The following PPFIA2 variants were observed in gnomAD, a reference collection of about 807,000 sequenced individuals.
The protein encoded by PPFIA2 is liprin-alpha-2.
A neutral mutation model predicts 175.5 loss-of-function variants in PPFIA2; 46 were observed. That is an observed-to-expected ratio of 0.26 (90% CI 0.21 to 0.34). The LOEUF (loss-of-function observed/expected upper bound fraction) is 0.34, where lower values mean the gene tolerates loss of function less well. Ranked by LOEUF, PPFIA2 falls within the 10% of genes least tolerant of loss-of-function variation. PPFIA2 has a pLI of 1.00. For synonymous variants in PPFIA2, 568 were observed against 511.4 expected, an observed-to-expected ratio of 1.11 and a Z score of -1.49; for missense variants, 1,179 against 1,506.1, an observed-to-expected ratio of 0.78 and a Z score of 3.60.
At chr12:81,705,456 C>CAAAAAAAAAA (rs58602688) in intron 3 of PPFIA2, among the ~76,000 whole-genome samples, 2 of 55,610 alleles carry the variant, frequency 3.6e-5, no homozygotes, top group Non-Finnish European at 8.5e-5. Context: ...GACTAGGTCT[C>CAAAAAAAAAA]AAAAAAAAAA....
intron 3 of PPFIA2, among the ~76,000 whole-genome samples, chr12:81,700,312 AT>A (rs1486955410): frequency 6.6e-6 from 1 of 152,082 alleles, no homozygotes. Context: ...AAATGAAAAT[AT>A]TTTTAAATTA....
chr12:81,436,747 T>C (rs1262119930), intron 7 of PPFIA2, among the ~76,000 whole-genome samples: 2 of 152,194 alleles, frequency 1.3e-5, no homozygotes, highest in Non-Finnish European at 2.9e-5. Context: ...TCTTTTCTAA[T>C]TACTCTCTTA....
intron 4 of PPFIA2, among the ~76,000 whole-genome samples, chr12:81,533,677 G>T (rs1410118590): frequency 1.3e-5 from 2 of 150,478 alleles, no homozygotes. Flanking sequence ...GATTGTAACG[G>T]TTTCTAAATT....
At chr12:81,309,272 G>A (rs2050119936) in intron 22 of PPFIA2, among the ~76,000 whole-genome samples, 1 of 152,086 alleles carries the variant, frequency 6.6e-6, no homozygotes. Flanking sequence ...ACATATTTGA[G>A]AAGCTAGTTG....
intron 8 of PPFIA2, among the ~76,000 whole-genome samples, chr12:81,400,809 C>T (rs1368461943): frequency 6.6e-6 from 1 of 152,078 alleles, no homozygotes; most frequent in African/African-American, 2.4e-5. Flanking sequence ...GAGAAGAGGC[C>T]AGCCAGCTTG....
intron 4 of PPFIA2, among the ~76,000 whole-genome samples, chr12:81,534,159 T>C (rs1431549037): frequency 2.0e-5 from 3 of 151,556 alleles, no homozygotes; most frequent in Non-Finnish European, 4.4e-5. Flanking sequence ...TACCAGAGGC[T>C]GGGAAGGGTG....
intron 3 of PPFIA2, among the ~76,000 whole-genome samples, chr12:81,711,454 G>T (rs998121873): frequency 3.3e-5 from 5 of 151,036 alleles, no homozygotes; most frequent in Non-Finnish European, 4.4e-5. Context: ...ACTAATTATA[G>T]AATACTATCT....
rs1251659773 is a variant in PPFIA2 at position 81,368,901 on chromosome 12, T to C, written c.1351-45A>G. The C allele has an allele frequency of 4.4e-6, 7 of 1,573,862 alleles. No homozygotes were observed. In the Admixed American group the frequency reaches 9.3e-5, roughly 21 times the overall value. Reference sequence around the variant, plus strand: ...CATAAAAATCCATTCAAAAACTGTTTGAGATTATTTTTATAGTGTTGCTAG... The same window carrying C: ...CATAAAAATCCATTCAAAAACTGTTCGAGATTATTTTTATAGTGTTGCTAG... On this transcript the variant is annotated intron_variant, in intron 12 of 32. Transcript: ENST00000549396.
rs1026221947 is a variant in PPFIA2, at chr12:81,754,069, C to T, written c.153G>A (p.Glu51=). The part of the protein sequence containing the change: ...ERDRLLDTLR[E]TQESLSLAQQ... Reference sequence around the variant, plus strand: ...GGGCAAGTGAGAGGCTTTCCTGGGTCTCCCGAAGGGTGTCTAGAAGACGAT... The same window carrying T: ...GGGCAAGTGAGAGGCTTTCCTGGGTTTCCCGAAGGGTGTCTAGAAGACGAT... Residue 51 remains glutamate, a synonymous_variant, in exon 3 of 33, where the codon GAG becomes GAA. Coordinates refer to ENST00000549396, the MANE Select transcript of PPFIA2 (RefSeq NM_003625.5). 1 of 1,613,732 alleles carries T rather than the reference C, an allele frequency of 6.2e-7. No individual in the cohort carries two copies. The highest frequency in any genetic ancestry group is 8.5e-7 in the Non-Finnish European group (1 of 1,179,868).
At chr12:81,322,485 T>C (rs2053878192) in intron 22 of PPFIA2, among the ~76,000 whole-genome samples, 1 of 152,096 alleles carries the variant, frequency 6.6e-6, no homozygotes, top group South Asian at 2.1e-4. Context: ...ACCCCTTAAA[T>C]GTCAGGAGCC....
chr12:81,493,142 C>T (rs557540634), intron 4 of PPFIA2, among the ~76,000 whole-genome samples: 22 of 152,014 alleles, frequency 1.4e-4, no homozygotes, highest in Middle Eastern at 3.4e-3. Context: ...GTTTTTGATG[C>T]GTTAAATTGA....
intron 4 of PPFIA2, among the ~76,000 whole-genome samples, chr12:81,638,514 A>G (rs561487386): frequency 1.3e-5 from 2 of 152,070 alleles, no homozygotes; most frequent in African/African-American, 2.4e-5. Flanking sequence ...AAAAGTAAAG[A>G]GTTGAGGATG....
At chr12:81,567,337 C>A (rs189007911) in intron 4 of PPFIA2, among the ~76,000 whole-genome samples, 6 of 152,218 alleles carry the variant, frequency 3.9e-5, no homozygotes. Context: ...GCGTGATCCA[C>A]TGCGCCCGGC....
chr12:81,387,323 C>T (rs1045312378), intron 8 of PPFIA2, among the ~76,000 whole-genome samples: 2 of 151,932 alleles, frequency 1.3e-5, no homozygotes, highest in East Asian at 3.9e-4. Flanking sequence ...CCCCTTAAGC[C>T]CTGTGATTTT....
intron 8 of PPFIA2, among the ~76,000 whole-genome samples, chr12:81,396,762 G>A (rs2041209540): frequency 6.6e-6 from 1 of 152,076 alleles, no homozygotes; most frequent in African/African-American, 2.4e-5. Flanking sequence ...ATAGACTGGA[G>A]ATGGCCCATG....
intron 28 of PPFIA2, among the ~76,000 whole-genome samples, chr12:81,273,025 G>A (rs759446494): frequency 1.3e-5 from 2 of 151,932 alleles, no homozygotes; most frequent in South Asian, 2.1e-4. Context: ...CTAGTCCTAC[G>A]GTGTGTTTTA....
At chr12:81,322,996 T>C (rs74518898) in intron 22 of PPFIA2, among the ~76,000 whole-genome samples, 8,942 of 152,236 alleles carry the variant, frequency 0.059, 309 homozygotes, top group Admixed American at 0.098. Flanking sequence ...GGATGGTAAG[T>C]GTGCCTCAAA....
At chr12:81,598,164 A>G (rs896029939) in intron 4 of PPFIA2, 3 of 1,432,422 alleles carry the variant, frequency 2.1e-6, no homozygotes, top group South Asian at 1.5e-5. Context: ...TCCTTCTTAC[A>G]TACACAGTGA....
chr12:81,485,593 C>T (rs2058724390), intron 4 of PPFIA2, among the ~76,000 whole-genome samples: 1 of 151,750 alleles, frequency 6.6e-6, no homozygotes, highest in Non-Finnish European at 1.5e-5. Context: ...CAGCCTAGAT[C>T]TAAATGTTGT....
Sources: gnomAD v4.1 joint callset for allele counts (sites outside exome capture counted in the v4.1 genomes callset) on GRCh38, gnomAD v4.1.1 for gene constraint, MANE v1.5 for transcripts, NCBI Gene and HGNC (gene_info 2026-07-23, HGNC 2026-07-21) for gene names.